Variants in MYOM2 observed in about 807,000 individuals in gnomAD.
The protein encoded by MYOM2 is myomesin-2.
A neutral mutation model predicts 187.6 loss-of-function variants in MYOM2; 254 were observed. That is an observed-to-expected ratio of 1.35 (90% CI 1.22 to 1.50). The LOEUF (loss-of-function observed/expected upper bound fraction) is 1.50, where lower values mean the gene tolerates loss of function less well. MYOM2 is among the 40% of genes most tolerant of loss of function. The probability of loss-of-function intolerance (pLI) is 0.00; values close to 1 mark genes in which losing one functional copy is unlikely to be tolerated. For missense variants in MYOM2, 2,796 were observed against 1,924.0 expected, an observed-to-expected ratio of 1.45 and a Z score of -8.48; for synonymous variants, 981 against 753.8, an observed-to-expected ratio of 1.30 and a Z score of -4.94.
intron 27 of MYOM2, among the ~76,000 whole-genome samples, chr8:2,116,783 A>T (rs182290279): frequency 4.6e-5 from 7 of 152,142 alleles, no homozygotes; most frequent in Non-Finnish European, 7.4e-5. Context: ...TTTGAGATGG[A>T]GTCTTGCTCT....
chr8:2,099,697 G>A (rs1341951808), intron 19 of MYOM2, among the ~76,000 whole-genome samples: 1 of 152,184 alleles, frequency 6.6e-6, no homozygotes, highest in African/African-American at 2.4e-5. Flanking sequence ...TGGGGCCACA[G>A]GTTCATGTCA....
Position 2,142,390 on chromosome 8 carries a change from A to T in MYOM2, c.4017A>T (p.Ala1339=), listed in dbSNP as rs527299626. 1 of 1,613,788 alleles carries T rather than the reference A, an allele frequency of 6.2e-7. No homozygotes were observed. The highest frequency in any genetic ancestry group is 8.5e-7 in the Non-Finnish European group (1 of 1,179,680). The stretch of plus-strand genomic sequence containing the variant: ...TAACTTTTAGAGCTGCTGCTTTTGC[A>T]GAGAAGAGTAAGTACCTGTTGGATT... ...EFQQFKAAAF[A]EKNRGRLIGG... Residue 1339 remains alanine (A), a synonymous_variant, in exon 35 of 37, where the codon GCA becomes GCT. Coordinates refer to ENST00000262113, the MANE Select transcript of MYOM2 (RefSeq NM_003970.4).
At chr8:2,049,556 A>T (rs966785046) in intron 1 of MYOM2, among the ~76,000 whole-genome samples, 1 of 152,176 alleles carries the variant, frequency 6.6e-6, no homozygotes, top group Non-Finnish European at 1.5e-5. Flanking sequence ...CCCAAGTCTC[A>T]TACCCATGGC....
At chr8:2,134,562 G>A (rs1477477902) in intron 32 of MYOM2, among the ~76,000 whole-genome samples, 5 of 152,196 alleles carry the variant, frequency 3.3e-5, no homozygotes, top group African/African-American at 1.2e-4. Flanking sequence ...CTTCAGCACT[G>A]ATTTCTGAGG....
Position 2,118,015 on chromosome 8 carries a change from T to C in MYOM2, c.3453+63T>C, listed in dbSNP as rs974490555. On this transcript the variant is annotated intron_variant, in intron 28 of 36. Transcript: ENST00000262113. ...CATTCTGGTTCCTATCAGAGAGGCC[T>C]TTCAGGGAGTAGCTGTGGCCAGATC... 1.5e-5 allele frequency: 22 copies of C among 1,426,932 alleles called. No homozygotes were observed. The African/African-American group carries it at 2.3e-4, about 15-fold the overall frequency. The allele number at this position is 1,426,932 out of a possible 1,614,324, so 88.4% of individuals were successfully genotyped here.
intron 10 of MYOM2, among the ~76,000 whole-genome samples, chr8:2,074,917 C>G (rs1819365946): frequency 6.6e-6 from 1 of 152,220 alleles, no homozygotes; most frequent in Admixed American, 6.5e-5. Flanking sequence ...TGCTGCTGCT[C>G]TCCGGGTCCC....
chr8:2,137,008 G>C (rs1585975203), intron 32 of MYOM2, among the ~76,000 whole-genome samples: 1 of 152,142 alleles, frequency 6.6e-6, no homozygotes, highest in Non-Finnish European at 1.5e-5. Context: ...AGTCTAAACA[G>C]TGAGATTTTG....
intron 32 of MYOM2, among the ~76,000 whole-genome samples, chr8:2,134,588 T>C (rs1464367785): frequency 8.1e-6 from 1 of 124,022 alleles, no homozygotes; most frequent in Non-Finnish European, 1.6e-5. Context: ...AAGTTCCCTT[T>C]TCCTTTTACA....
intron 13 of MYOM2, 126 bp downstream of exon 13, chr8:2,079,739 G>T (rs147262272): frequency 2.0e-6 from 2 of 1,024,584 alleles, no homozygotes; most frequent in African/African-American, 1.6e-5. Flanking sequence ...AATGAAAACC[G>T]CAGGTCAGGC....
intron 19 of MYOM2, among the ~76,000 whole-genome samples, chr8:2,099,758 G>C (rs1796618826): frequency 6.6e-6 from 1 of 152,156 alleles, no homozygotes; most frequent in Non-Finnish European, 1.5e-5. Flanking sequence ...TCAAGTACCA[G>C]ACCTTGATTT....
At chr8:2,095,205 T>C (rs980233538) in intron 17 of MYOM2, among the ~76,000 whole-genome samples, 6 of 152,184 alleles carry the variant, frequency 3.9e-5, no homozygotes, top group African/African-American at 7.2e-5. Context: ...TGTTTTAAGA[T>C]TAATCTCCTC....
intron 3 of MYOM2, among the ~76,000 whole-genome samples, chr8:2,054,059 G>C (rs147684251): frequency 6.4e-4 from 98 of 152,298 alleles, no homozygotes; most frequent in African/African-American, 2.0e-3. Context: ...GATGTGAGCA[G>C]CTCCATGGAT....
At chr8:2,114,705 G>A (rs1166484404) in intron 25 of MYOM2, among the ~76,000 whole-genome samples, 1 of 152,164 alleles carries the variant, frequency 6.6e-6, no homozygotes, top group Admixed American at 6.5e-5. Context: ...CCCCACCTCA[G>A]GTGATCTGCC....
In MYOM2 at chr8:2,084,052, C is replaced by G. The variant is rs577065611; in HGVS notation, c.1517-1211C>G. Among the ~76,000 whole-genome samples the G allele has an allele frequency of 2.5e-3, 377 of 152,352 alleles. 1 individual carries two copies. The highest frequency in any genetic ancestry group is 3.8e-3 in the Non-Finnish European group (257 of 68,042). On this transcript the variant is annotated intron_variant, in intron 13 of 36. Transcript: ENST00000262113. ...CTTGGTTTGCTTCCCTCATCAGCAC[C>G]TCTGAAATAAACCAGGATTCAGTTT...
rs918227613 is a variant in MYOM2, at chr8:2,092,238, G to A, written c.1829-108G>A. The A allele has an allele frequency of 2.3e-6, 3 of 1,328,856 alleles. No homozygotes were observed. The African/African-American group carries it at 4.4e-5, about 20-fold the overall frequency. 82.3% of individuals were successfully genotyped at this position (1,328,856 alleles called of 1,614,324 possible). On this transcript the variant is annotated intron_variant, in intron 15 of 36. Coordinates refer to ENST00000262113, the MANE Select transcript of MYOM2 (RefSeq NM_003970.4). ...ACCCCTTGTCTGAATTTCTTCCAAAGCCCCCAGTCTGGCTGTCCAGTTCCC... is the reference window on the plus strand; with the variant it reads ...ACCCCTTGTCTGAATTTCTTCCAAAACCCCCAGTCTGGCTGTCCAGTTCCC...
chr8:2,053,187 A>G (rs1000218966), intron 3 of MYOM2, among the ~76,000 whole-genome samples: 2 of 152,260 alleles, frequency 1.3e-5, no homozygotes, highest in African/African-American at 4.8e-5. Flanking sequence ...AGTTTCAGAA[A>G]GATGAAGTCA....
In MYOM2 at chr8:2,098,999, C is replaced by T. The variant is rs756455535; in HGVS notation, c.2440+16C>T. The T allele has an allele frequency of 6.9e-6, 11 of 1,592,616 alleles. No homozygotes were observed. Among genetic ancestry groups the T allele is most frequent in the South Asian group, 2.2e-5 (2 of 89,534 alleles). ...CCGGAGCCCGGTGAGTCGCTGCCCC[C>T]AGGACACCCGCGTTCCAGCGCACAG... is the stretch of plus-strand genomic sequence containing the variant. On this transcript the variant is annotated intron_variant, in intron 19 of 36. Transcript: ENST00000262113.
At position 2,123,349 on chromosome 8, in the gene MYOM2, A is replaced by G. The variant is rs763811017; in HGVS notation, c.3551A>G (p.Glu1184Gly). Residue 1184 changes from glutamate to glycine, a missense_variant, in exon 29 of 37, where the codon GAG becomes GGG. Transcript: ENST00000262113. ...CCTAACCTGGAGAGGGGAATCTGTG[A>G]GCTCCTCATCCCAAAGGTATCAGGC... ...TLPNLERGIC[E>G]LLIPKLSKKD... 4 of 1,611,920 alleles carry G rather than the reference A, an allele frequency of 2.5e-6. No individual in the cohort carries two copies. The highest frequency in any genetic ancestry group is 1.7e-5 in the Admixed American group (1 of 59,788).
intron 23 of MYOM2, among the ~76,000 whole-genome samples, chr8:2,108,206 C>T (rs536363082): frequency 5.5e-4 from 84 of 152,090 alleles, no homozygotes; most frequent in African/African-American, 2.0e-3. Flanking sequence ...ATTTTCTTAC[C>T]TTGCTCTTGA....
Sources: allele counts gnomAD v4.1 joint callset (sites outside exome capture counted in the v4.1 genomes callset), GRCh38; gene constraint gnomAD v4.1.1; transcripts MANE v1.5; gene names NCBI Gene and HGNC (gene_info 2026-07-23, HGNC 2026-07-21).